RBM47: variants seen among roughly 807,000 people sequenced by gnomAD.
RBM47 encodes RNA-binding protein 47.
A neutral mutation model predicts 47.1 loss-of-function variants in RBM47; 21 were observed. The observed-to-expected ratio is 0.45, with a 90% CI of 0.32 to 0.64. The LOEUF (loss-of-function observed/expected upper bound fraction) is 0.64, where lower values mean the gene tolerates loss of function less well. Among genes scored for constraint, RBM47 ranks in the 30% least tolerant of loss-of-function variants. The pLI is 0.05. For missense variants in RBM47, 708 were observed against 870.9 expected (o/e 0.81, Z 2.35); for synonymous variants, 375 against 361.7 (o/e 1.04, Z -0.42).
At chr4:40,549,777 T>C (rs547005445) in intron 1 of RBM47, among the ~76,000 whole-genome samples, 1 of 151,350 alleles carries the variant, frequency 6.6e-6, no homozygotes, top group South Asian at 2.1e-4. Flanking sequence ...GCCTCCCGGG[T>C]TCAAGCAATT....
chr4:40,582,528 C>T (rs769523991), intron 1 of RBM47, among the ~76,000 whole-genome samples: 1 of 151,980 alleles, frequency 6.6e-6, no homozygotes, highest in Non-Finnish European at 1.5e-5. Context: ...AGCAAGACTC[C>T]ATCTCAAAAC....
intron 3 of RBM47, among the ~76,000 whole-genome samples, chr4:40,443,320 C>T (rs76931674): frequency 6.6e-6 from 1 of 151,722 alleles, no homozygotes; most frequent in African/African-American, 2.4e-5. Context: ...TATAATATAC[C>T]ACAGTAAAAA....
At chr4:40,618,808 CA>C (rs35543412) in intron 1 of RBM47, among the ~76,000 whole-genome samples, 1,487 of 27,580 alleles carry the variant, frequency 0.054, 8 homozygotes, top group African/African-American at 0.16. Context: ...GACTCCATCT[CA>C]AAAAAAAAAA....
chr4:40,533,616 G>A (rs1577902327), intron 2 of RBM47, among the ~76,000 whole-genome samples: 1 of 151,940 alleles, frequency 6.6e-6, no homozygotes, highest in African/African-American at 2.4e-5. Flanking sequence ...AGTAAGTGTT[G>A]TCTGTGAATT....
At chr4:40,548,707 C>T (rs926982938) in intron 1 of RBM47, among the ~76,000 whole-genome samples, 6 of 152,192 alleles carry the variant, frequency 3.9e-5, no homozygotes, top group East Asian at 1.9e-4. Context: ...GCTCTTGTCA[C>T]CCAGGCTGTA....
intron 2 of RBM47, among the ~76,000 whole-genome samples, chr4:40,479,325 G>T (rs949493984): frequency 6.6e-6 from 1 of 152,176 alleles, no homozygotes. Context: ...ATGGTAGGCT[G>T]GATACAGTGG....
chr4:40,540,653 A>T (rs1471173416), intron 2 of RBM47, among the ~76,000 whole-genome samples: 2 of 89,430 alleles, frequency 2.2e-5, no homozygotes, highest in South Asian at 3.7e-4. Context: ...AAAAAAAAAA[A>T]TAATAATAAT....
intron 2 of RBM47, among the ~76,000 whole-genome samples, chr4:40,505,988 T>C (rs1040719718): frequency 1.7e-4 from 26 of 152,128 alleles, no homozygotes; most frequent in Non-Finnish European, 2.9e-4. Context: ...TCAATCTTCC[T>C]TGGGGGTTGG....
intron 1 of RBM47, among the ~76,000 whole-genome samples, chr4:40,559,007 G>A (rs1481151117): frequency 6.6e-6 from 1 of 151,998 alleles, no homozygotes; most frequent in African/African-American, 2.4e-5. Flanking sequence ...AAAGAAATGT[G>A]TACTAAGCCC....
intron 2 of RBM47, among the ~76,000 whole-genome samples, chr4:40,480,966 T>C (rs1381984097): frequency 6.6e-6 from 1 of 152,116 alleles, no homozygotes; most frequent in Non-Finnish European, 1.5e-5. Context: ...AAAAGCCAGC[T>C]ACATTGTCAT....
chr4:40,511,979 A>AT (rs1309508912), intron 2 of RBM47, among the ~76,000 whole-genome samples: 1 of 151,860 alleles, frequency 6.6e-6, no homozygotes, highest in Non-Finnish European at 1.5e-5. Flanking sequence ...AAACAAAAAG[A>AT]TTGTACCGAA....
chr4:40,476,943 G>T (rs1719691903), intron 2 of RBM47, among the ~76,000 whole-genome samples: 1 of 152,190 alleles, frequency 6.6e-6, no homozygotes, highest in Non-Finnish European at 1.5e-5. Flanking sequence ...GAAGTAAAAA[G>T]ACCAGAATGG....
At chr4:40,622,186 T>A (rs546194117) in intron 1 of RBM47, among the ~76,000 whole-genome samples, 1 of 152,258 alleles carries the variant, frequency 6.6e-6, no homozygotes, top group African/African-American at 2.4e-5. Flanking sequence ...AGATAATAGG[T>A]CACACAATTA....
At chr4:40,564,728 G>T (rs1310988679) in intron 1 of RBM47, among the ~76,000 whole-genome samples, 1 of 152,214 alleles carries the variant, frequency 6.6e-6, no homozygotes, top group Non-Finnish European at 1.5e-5. Context: ...GTTTATTTAT[G>T]AGTTACTTTT....
chr4:40,431,551 G>C (rs1035258634), intron 6 of RBM47, among the ~76,000 whole-genome samples: 5 of 151,994 alleles, frequency 3.3e-5, no homozygotes, highest in African/African-American at 9.7e-5. Context: ...CCAGCTACTC[G>C]GGAGGCTGAG....
At chr4:40,485,896 T>TAA (rs542807983) in intron 2 of RBM47, among the ~76,000 whole-genome samples, 12 of 130,512 alleles carry the variant, frequency 9.2e-5, no homozygotes, top group East Asian at 2.2e-4. Context: ...GCCATCTGTG[T>TAA]AAAAAAAAAA....
At chr4:40,503,275 C>G (rs1281037630) in intron 2 of RBM47, among the ~76,000 whole-genome samples, 1 of 152,148 alleles carries the variant, frequency 6.6e-6, no homozygotes, top group African/African-American at 2.4e-5. Flanking sequence ...TGGGTAGATG[C>G]TTTTGGAGGT....
chr4:40,473,580 G>C (rs1236040545), intron 2 of RBM47, among the ~76,000 whole-genome samples: 1 of 152,112 alleles, frequency 6.6e-6, no homozygotes, highest in Non-Finnish European at 1.5e-5. Context: ...TCTCAACCTA[G>C]GTTAGAAATA....
At chr4:40,548,072 G>A (rs970120447) in intron 1 of RBM47, among the ~76,000 whole-genome samples, 9 of 152,314 alleles carry the variant, frequency 5.9e-5, no homozygotes, top group Admixed American at 2.0e-4. Context: ...ACAGAGTTGG[G>A]ACGAGACCAT....
Sources: allele counts gnomAD v4.1 joint callset (sites outside exome capture counted in the v4.1 genomes callset), GRCh38; gene constraint gnomAD v4.1.1; transcripts MANE v1.5; gene names NCBI Gene and HGNC (gene_info 2026-07-23, HGNC 2026-07-21).